The following RYR2 variants were observed in gnomAD, a reference collection of about 807,000 sequenced individuals.
The protein encoded by RYR2 is cardiac muscle ryanodine receptor-calcium release channel.
RYR2 carries 227 observed loss-of-function variants against 601.1 expected under a neutral mutation model. The observed-to-expected ratio is 0.38, with a 90% CI of 0.34 to 0.42. The LOEUF is 0.42. Among genes scored for constraint, RYR2 ranks in the 10% least tolerant of loss-of-function variants. The pLI is 1.00. For missense variants in RYR2, 4,646 were observed against 6,156.5 expected (o/e 0.75, Z 8.21); for synonymous variants, 2,223 against 2,175.1 (o/e 1.02, Z -0.61).
chr1:237,584,645 A>T (rs368482221), intron 29 of RYR2, among the ~76,000 whole-genome samples: 127 of 44,006 alleles, frequency 2.9e-3, no homozygotes, highest in Non-Finnish European at 5.0e-3. Flanking sequence ...CCAGCTCACC[A>T]CCTGTTTTTT....
At chr1:237,728,030 G>A (rs1690339872) in intron 76 of RYR2, among the ~76,000 whole-genome samples, 1 of 151,914 alleles carries the variant, frequency 6.6e-6, no homozygotes, top group Admixed American at 6.5e-5. Flanking sequence ...TCTACTCCTT[G>A]CACATCATAC....
chr1:237,682,395 T>C (rs1176192506), intron 62 of RYR2, among the ~76,000 whole-genome samples: 2 of 152,330 alleles, frequency 1.3e-5, no homozygotes, highest in African/African-American at 4.8e-5. Context: ...CCAGAATATC[T>C]TTAATTATAG....
At chr1:237,173,927 G>C (rs1677712957) in intron 1 of RYR2, among the ~76,000 whole-genome samples, 1 of 152,038 alleles carries the variant, frequency 6.6e-6, no homozygotes, top group South Asian at 2.1e-4. Context: ...CGTGGTGGCG[G>C]GCGCCTGTAG....
chr1:237,690,697 A>G (rs576610871), intron 63 of RYR2, among the ~76,000 whole-genome samples: 2 of 152,218 alleles, frequency 1.3e-5, no homozygotes, highest in Non-Finnish European at 2.9e-5. Flanking sequence ...CCCCATCTCG[A>G]CTAAGAATAC....
In RYR2 at chr1:237,326,119, G is replaced by GGATA. The variant is rs141179398; in HGVS notation, c.169-4758_169-4755dup. Among the ~76,000 whole-genome samples the GGATA allele has an allele frequency of 2.7e-3, 406 of 152,226 alleles. 2 individuals are homozygous for GGATA. The highest frequency in any genetic ancestry group is 8.4e-3 in the African/African-American group (351 of 41,568). On this transcript the variant is annotated intron_variant, in intron 2 of 104. Transcript: ENST00000366574. The stretch of plus-strand genomic sequence containing the variant: ...CAACTCTGGAAGCCAAGTAGTTGAT[G>GGATA]GATACTTTGGTTGGAAACCTAATTG...
intron 62 of RYR2, among the ~76,000 whole-genome samples, chr1:237,686,586 G>A (rs2148964622): frequency 6.6e-6 from 1 of 152,310 alleles, no homozygotes; most frequent in East Asian, 1.9e-4. Context: ...ATAGGGACCT[G>A]TGAGGATCCC....
At chr1:237,686,616 A>G (rs982736876) in intron 62 of RYR2, among the ~76,000 whole-genome samples, 11 of 152,154 alleles carry the variant, frequency 7.2e-5, no homozygotes, top group African/African-American at 2.7e-4. Flanking sequence ...AGGCTTGGTG[A>G]AAAGAAAGGA....
intron 16 of RYR2, among the ~76,000 whole-genome samples, chr1:237,460,243 G>A (rs1465803512): frequency 1.3e-5 from 2 of 152,134 alleles, no homozygotes; most frequent in African/African-American, 2.4e-5. Flanking sequence ...GAAAGAGTGT[G>A]CTATTTCCTA....
intron 6 of RYR2, among the ~76,000 whole-genome samples, chr1:237,370,479 A>G (rs1393321028): frequency 6.6e-6 from 1 of 152,128 alleles, no homozygotes; most frequent in Non-Finnish European, 1.5e-5. Context: ...AAAGATTTTC[A>G]TTCTCATTGT....
At chr1:237,238,166 C>T (rs1685786580) in intron 1 of RYR2, among the ~76,000 whole-genome samples, 1 of 151,986 alleles carries the variant, frequency 6.6e-6, no homozygotes, top group East Asian at 1.9e-4. Context: ...ACAGGGATTT[C>T]ACCATGTTGC....
chr1:237,653,115 C>T (rs921493307), intron 51 of RYR2, among the ~76,000 whole-genome samples: 2 of 152,140 alleles, frequency 1.3e-5, no homozygotes, highest in African/African-American at 4.8e-5. Context: ...TGTCCTTGAC[C>T]TTCCAGTTTA....
intron 24 of RYR2, among the ~76,000 whole-genome samples, chr1:237,514,480 C>T (rs1399039664): frequency 6.6e-6 from 1 of 152,100 alleles, no homozygotes; most frequent in African/African-American, 2.4e-5. Flanking sequence ...TTTCTTATAG[C>T]TAGTTTATAT....
chr1:237,579,235 A>ACTTCTTCTT (rs1414799847), intron 29 of RYR2, among the ~76,000 whole-genome samples: 5 of 129,606 alleles, frequency 3.9e-5, no homozygotes, highest in Non-Finnish European at 4.8e-5. Context: ...AGGATAATTT[A>ACTTCTTCTT]CTTCTTCTTC....
At chr1:237,439,392 C>G (rs145647738) in intron 12 of RYR2, among the ~76,000 whole-genome samples, 2,697 of 152,294 alleles carry the variant, frequency 0.018, 94 homozygotes, top group African/African-American at 0.062. Flanking sequence ...CACCTGTAAT[C>G]CCTGCCCTTT....
intron 96 of RYR2, 38 bp from the exon 97 acceptor site, chr1:237,797,999 G>A: frequency 1.3e-6 from 2 of 1,579,134 alleles, no homozygotes; most frequent in South Asian, 1.2e-5. Context: ...GTTACTTAAT[G>A]GTTGAAGCCA....
intron 14 of RYR2, among the ~76,000 whole-genome samples, chr1:237,446,834 A>C (rs555363450): frequency 2.4e-4 from 37 of 152,180 alleles, no homozygotes; most frequent in African/African-American, 8.4e-4. Flanking sequence ...ATTACTTTTC[A>C]GTATTATTTG....
rs1029447560 is a variant in RYR2 at position 237,735,164 on chromosome 1, T to C, written c.11091+1408T>C. 5.3e-5 allele frequency among the ~76,000 whole-genome samples: 8 copies of C among 152,308 alleles called. No homozygotes were observed. In the East Asian group the frequency reaches 1.5e-3, roughly 29 times the overall value. ...ATTGAAAATCTCCAGATTTATTTCA[T>C]GTATATCACATAAGCAGAGTAAGAA... On this transcript the variant is annotated intron_variant, in intron 79 of 104. Transcript: ENST00000366574.
intron 63 of RYR2, among the ~76,000 whole-genome samples, chr1:237,691,593 T>C (rs1686948844): frequency 6.6e-6 from 1 of 152,218 alleles, no homozygotes; most frequent in South Asian, 2.1e-4. Flanking sequence ...ATTAAGATAA[T>C]AGTGTTTTTA....
At chr1:237,401,394 A>C (rs76749559) in intron 10 of RYR2, among the ~76,000 whole-genome samples, 6,330 of 151,884 alleles carry the variant, frequency 0.042, 212 homozygotes, top group Non-Finnish European at 0.069. Flanking sequence ...GTTCTGACCA[A>C]CTGGCTATAC....
Sources: allele counts gnomAD v4.1 joint callset (sites outside exome capture counted in the v4.1 genomes callset), GRCh38; gene constraint gnomAD v4.1.1; transcripts MANE v1.5; gene names NCBI Gene and HGNC (gene_info 2026-07-23, HGNC 2026-07-21).